The following CFAP299 variants were observed in gnomAD, a reference collection of about 807,000 sequenced individuals.
CFAP299 encodes cilia- and flagella-associated protein 299.
In CFAP299, 21 loss-of-function variants were observed where a neutral mutation model predicts 27.0. That is an observed-to-expected ratio of 0.78 (90% CI 0.55 to 1.12). CFAP299 has a LOEUF of 1.12. Ranked by LOEUF, CFAP299 falls within the 50% of genes most tolerant of loss-of-function variation. The pLI is 0.00. For missense variants in CFAP299, 310 were observed against 276.6 expected, an observed-to-expected ratio of 1.12 and a Z score of -0.86; for synonymous variants, 104 against 98.1, an observed-to-expected ratio of 1.06 and a Z score of -0.36.
intron 2 of CFAP299, among the ~76,000 whole-genome samples, chr4:80,482,341 C>T (rs1057115008): frequency 1.3e-5 from 2 of 151,996 alleles, no homozygotes; most frequent in African/African-American, 4.8e-5. Flanking sequence ...TATTTAATAA[C>T]ATCACCCATA....
chr4:80,856,251 G>T (rs1560447345), intron 3 of CFAP299, among the ~76,000 whole-genome samples: 1 of 137,672 alleles, frequency 7.3e-6, no homozygotes, highest in African/African-American at 2.9e-5. Context: ...TTTTGATGGG[G>T]TTGTTTTTTT....
chr4:80,654,062 T>C lies in CFAP299; in HGVS notation c.333+70879T>C, dbSNP rs1291378461. Among the ~76,000 whole-genome samples the C allele has an allele frequency of 2.6e-5, 4 of 152,158 alleles. 1 individual carries two copies. The highest frequency in any genetic ancestry group is 9.6e-5 in the African/African-American group (4 of 41,454). ...CTCTGCAGTTATGACATTTGGGTTA[T>C]ACAGTTTGCTCAAATTATGGCTAAC... On this transcript the variant is annotated intron_variant, in intron 3 of 5. Transcript: ENST00000358105.
intron 2 of CFAP299, among the ~76,000 whole-genome samples, chr4:80,502,116 C>A (rs1169071787): frequency 1.3e-5 from 2 of 151,980 alleles, no homozygotes; most frequent in Non-Finnish European, 2.9e-5. Flanking sequence ...TGTTGGCAAA[C>A]CACAATTATA....
At chr4:80,459,613 G>A (rs1328074510) in intron 2 of CFAP299, among the ~76,000 whole-genome samples, 1 of 152,002 alleles carries the variant, frequency 6.6e-6, no homozygotes, top group Non-Finnish European at 1.5e-5. Context: ...CAAGAATTCA[G>A]GTTGCTGTAG....
At chr4:80,893,759 C>A (rs896771427) in intron 4 of CFAP299, among the ~76,000 whole-genome samples, 8 of 151,400 alleles carry the variant, frequency 5.3e-5, no homozygotes, top group Non-Finnish European at 8.8e-5. Context: ...AAATGTAGAA[C>A]CGCTAGGAGA....
intron 4 of CFAP299, among the ~76,000 whole-genome samples, chr4:80,918,725 C>A (rs969557726): frequency 2.0e-5 from 3 of 151,964 alleles, no homozygotes; most frequent in African/African-American, 7.3e-5. Flanking sequence ...ACTTTGCTGC[C>A]CCTGTCCAGG....
chr4:80,799,619 TTTATAA>T (rs1728176863), intron 3 of CFAP299, among the ~76,000 whole-genome samples: 3 of 37,164 alleles, frequency 8.1e-5, no homozygotes, highest in Non-Finnish European at 1.3e-4. Context: ...ATATTATATA[TTTATAA>T]ATATATAATA....
chr4:80,523,172 G>A (rs1002215139), intron 2 of CFAP299, among the ~76,000 whole-genome samples: 3 of 151,972 alleles, frequency 2.0e-5, no homozygotes, highest in African/African-American at 7.2e-5. Context: ...AGCAATATTT[G>A]TAGTTTTCAT....
chr4:80,939,046 AGGGGAATG>A (rs1173283478), intron 4 of CFAP299, among the ~76,000 whole-genome samples: 1 of 152,106 alleles, frequency 6.6e-6, no homozygotes, highest in Non-Finnish European at 1.5e-5. Flanking sequence ...ATTTGGGGAG[AGGGGAATG>A]TTCCCTTTGT....
intron 3 of CFAP299, among the ~76,000 whole-genome samples, chr4:80,800,471 TAATATATTATATAATATATAATATA>T (rs1728427530): frequency 6.3e-4 from 5 of 7,876 alleles, no homozygotes; most frequent in Non-Finnish European, 1.2e-3. Context: ...ATATAATATA[TAATATATTATATAATATATAATATA>T]TAATATATTA....
At chr4:80,854,395 C>G (rs1280922761) in intron 3 of CFAP299, among the ~76,000 whole-genome samples, 5 of 150,932 alleles carry the variant, frequency 3.3e-5, no homozygotes, top group East Asian at 3.9e-4. Flanking sequence ...GTCTCTTTAT[C>G]AAATACTAGA....
intron 4 of CFAP299, among the ~76,000 whole-genome samples, chr4:80,925,713 G>A (rs1316044796): frequency 1.3e-5 from 2 of 152,000 alleles, no homozygotes; most frequent in African/African-American, 2.4e-5. Context: ...AAAGACAAAA[G>A]AGCAAAAGAG....
At chr4:80,362,608 A>G in intron 1 of CFAP299, 146 bp from the exon 2 acceptor site, 1 of 825,780 alleles carries the variant, frequency 1.2e-6, no homozygotes, top group Non-Finnish European at 1.8e-6. Context: ...TTTTATATCT[A>G]ATAGATCATG....
chr4:80,933,165 C>A (rs10030661), intron 4 of CFAP299, among the ~76,000 whole-genome samples: 3 of 149,212 alleles, frequency 2.0e-5, no homozygotes, highest in African/African-American at 7.4e-5. Flanking sequence ...TCTTTCCTTT[C>A]CTTTCTTTCT....
At chr4:80,545,345 A>G (rs975016877) in intron 2 of CFAP299, among the ~76,000 whole-genome samples, 3 of 152,146 alleles carry the variant, frequency 2.0e-5, no homozygotes, top group African/African-American at 7.2e-5. Flanking sequence ...ATAAATAACC[A>G]AAATCAGAGC....
At chr4:80,393,276 T>TA (rs1196195267) in intron 2 of CFAP299, among the ~76,000 whole-genome samples, 4 of 152,170 alleles carry the variant, frequency 2.6e-5, no homozygotes, top group Non-Finnish European at 5.9e-5. Context: ...GACAGAAAAG[T>TA]AAAAAATTGT....
At chr4:80,516,172 T>A (rs1732580635) in intron 2 of CFAP299, among the ~76,000 whole-genome samples, 1 of 151,556 alleles carries the variant, frequency 6.6e-6, no homozygotes. Context: ...AGGTGCCTGC[T>A]ATCATGCCTG....
chr4:80,860,597 G>A (rs1035685608), intron 3 of CFAP299, among the ~76,000 whole-genome samples: 16 of 152,118 alleles, frequency 1.1e-4, no homozygotes, highest in Admixed American at 1.0e-3. Context: ...GTGTGGATGT[G>A]CTTTCTGTTT....
intron 3 of CFAP299, among the ~76,000 whole-genome samples, chr4:80,666,271 T>C (rs989472129): frequency 6.6e-6 from 1 of 152,188 alleles, no homozygotes; most frequent in Non-Finnish European, 1.5e-5. Flanking sequence ...CAGAGTCTTA[T>C]TCAGATTTGC....
Sources: gnomAD v4.1 joint callset for allele counts (sites outside exome capture counted in the v4.1 genomes callset) on GRCh38, gnomAD v4.1.1 for gene constraint, MANE v1.5 for transcripts, NCBI Gene and HGNC (gene_info 2026-07-23, HGNC 2026-07-21) for gene names.